CMIP: variants seen among roughly 807,000 people sequenced by gnomAD.
CMIP encodes the protein C-Maf-inducing protein.
In CMIP, 13 loss-of-function variants were observed where a neutral mutation model predicts 97.3. The observed-to-expected ratio is 0.13, with a 90% CI of 0.09 to 0.21. The LOEUF (loss-of-function observed/expected upper bound fraction) is 0.21, where lower values mean the gene tolerates loss of function less well. CMIP is among the 10% of genes least tolerant of loss of function. The probability of loss-of-function intolerance (pLI) is 1.00; values close to 1 mark genes in which losing one functional copy is unlikely to be tolerated. For missense variants in CMIP, 847 were observed against 1,024.9 expected (o/e 0.83, Z 2.37); for synonymous variants, 538 against 436.3 (o/e 1.23, Z -2.91).
chr16:81,701,554 GA>G, intron 15 of CMIP, 105 bp from the exon 16 acceptor site: 1 of 1,493,010 alleles, frequency 6.7e-7, no homozygotes, highest in Non-Finnish European at 9.3e-7. Flanking sequence ...GCAGAAAGGG[GA>G]TAGTGGGGTT....
rs554442583 is a variant in CMIP, at chr16:81,597,625, C to T, written c.301-9942C>T. Reference sequence around the variant, plus strand: ...GGGGGAGTCTCCCAGCCTGGAAGGTCCTGGGACTAGAGCAGGGGGCGGGAC... The same window carrying T: ...GGGGGAGTCTCCCAGCCTGGAAGGTTCTGGGACTAGAGCAGGGGGCGGGAC... On this transcript the variant is annotated intron_variant, in intron 1 of 20. Transcript: ENST00000537098. Among the ~76,000 whole-genome samples the T allele has an allele frequency of 2.4e-3, 357 of 151,224 alleles. 1 individual carries two copies. The highest frequency in any genetic ancestry group is 3.8e-3 in the Non-Finnish European group (259 of 67,832).
intron 1 of CMIP, among the ~76,000 whole-genome samples, chr16:81,604,686 C>T (rs906493690): frequency 2.6e-5 from 4 of 152,130 alleles, no homozygotes; most frequent in Non-Finnish European, 4.4e-5. Flanking sequence ...GGCGACAGAG[C>T]AAGACTCCGT....
intron 1 of CMIP, among the ~76,000 whole-genome samples, chr16:81,487,575 A>G (rs2089338248): frequency 6.6e-6 from 1 of 152,248 alleles, no homozygotes; most frequent in South Asian, 2.1e-4. Flanking sequence ...AGCCAGAGCC[A>G]GAGCGCAAGG....
chr16:81,621,455 G>T lies in CMIP; in HGVS notation c.477+529G>T, dbSNP rs938342289. The T allele has an allele frequency of 1.9e-5, 3 of 154,162 alleles. No individual in the cohort carries two copies. The highest frequency in any genetic ancestry group is 7.2e-5 in the African/African-American group (3 of 41,472). 9.5% of individuals were successfully genotyped at this position (154,162 alleles called of 1,614,324 possible). A position where few individuals can be genotyped will look rare whatever the true frequency, so the allele number is the denominator to read the frequency against. On this transcript the variant is annotated intron_variant, in intron 3 of 20. Transcript: ENST00000537098. This position sits in a 1 kb window ranked among gnomAD's most constrained non-coding sequence, Gnocchi z 4.1. ...ATAAAGGGAACTTCATCTTCTTGGAGACCCAGGGGCAGATCTTCTAAGAGG... is the reference window on the plus strand; with the variant it reads ...ATAAAGGGAACTTCATCTTCTTGGATACCCAGGGGCAGATCTTCTAAGAGG...
intron 1 of CMIP, among the ~76,000 whole-genome samples, chr16:81,488,631 C>A (rs1402858661): frequency 6.6e-6 from 1 of 152,120 alleles, no homozygotes; most frequent in Non-Finnish European, 1.5e-5. Flanking sequence ...TGTGCCCCTT[C>A]TCCTTGGTGG....
At chr16:81,577,710 C>T (rs1268583436) in intron 1 of CMIP, among the ~76,000 whole-genome samples, 5 of 151,270 alleles carry the variant, frequency 3.3e-5, no homozygotes, top group African/African-American at 7.4e-5. Context: ...CCATCACCAT[C>T]ATCACCATCA....
chr16:81,619,765 C>T (rs958029506), intron 2 of CMIP: 2 of 152,228 alleles, frequency 1.3e-5, no homozygotes, highest in African/African-American at 2.4e-5. Flanking sequence ...AAGTTTTTAA[C>T]TTCCAAAGTC....
chr16:81,565,710 G>A (rs528810334), intron 1 of CMIP, among the ~76,000 whole-genome samples: 107 of 152,206 alleles, frequency 7.0e-4, no homozygotes, highest in African/African-American at 2.1e-3. Flanking sequence ...GTGACACAAA[G>A]ACAGCGGCTG....
intron 1 of CMIP, among the ~76,000 whole-genome samples, chr16:81,601,537 T>C (rs1341353207): frequency 6.6e-6 from 1 of 152,084 alleles, no homozygotes; most frequent in Non-Finnish European, 1.5e-5. Context: ...ATGAGGTCCT[T>C]CTAGGCCCTA....
intron 1 of CMIP, among the ~76,000 whole-genome samples, chr16:81,506,792 C>A (rs183600225): frequency 3.3e-5 from 5 of 151,766 alleles, no homozygotes; most frequent in Admixed American, 3.3e-4. Flanking sequence ...ATAGCCCCAG[C>A]TATTTGGGAG....
chr16:81,658,316 C>G (rs1197349197), intron 5 of CMIP, among the ~76,000 whole-genome samples: 1 of 152,206 alleles, frequency 6.6e-6, no homozygotes, highest in Non-Finnish European at 1.5e-5. Context: ...TGACTTTTAG[C>G]TACGAAACCT....
intron 14 of CMIP, chr16:81,697,111 CA>C (rs1906821099): frequency 4.9e-6 from 1 of 203,894 alleles, no homozygotes; most frequent in African/African-American, 2.4e-5. Flanking sequence ...GTGTCGCGGT[CA>C]GGGGGATTGT....
At chr16:81,468,299 CA>C (rs1476664187) in intron 1 of CMIP, among the ~76,000 whole-genome samples, 2 of 152,224 alleles carry the variant, frequency 1.3e-5, no homozygotes, top group Non-Finnish European at 2.9e-5. Flanking sequence ...ACTGCCCACT[CA>C]GACCCCCAGG....
chr16:81,641,598 C>G (rs2092307501), intron 3 of CMIP, among the ~76,000 whole-genome samples: 2 of 152,172 alleles, frequency 1.3e-5, no homozygotes, highest in Admixed American at 6.5e-5. Context: ...GCCGCAGAGA[C>G]AGTGGAGCAG....
At chr16:81,609,352 G>T (rs1214996816) in intron 2 of CMIP, among the ~76,000 whole-genome samples, 1 of 152,214 alleles carries the variant, frequency 6.6e-6, no homozygotes, top group East Asian at 1.9e-4. Flanking sequence ...GTCCATGAAG[G>T]GGGTGGTCAG....
intron 3 of CMIP, among the ~76,000 whole-genome samples, chr16:81,642,517 T>G (rs138332979): frequency 6.6e-6 from 1 of 152,196 alleles, no homozygotes; most frequent in Non-Finnish European, 1.5e-5. Context: ...TGGCAAAATT[T>G]AAACTGATTC....
At chr16:81,573,868 G>T (rs914436485) in intron 1 of CMIP, among the ~76,000 whole-genome samples, 1 of 152,186 alleles carries the variant, frequency 6.6e-6, no homozygotes, top group Non-Finnish European at 1.5e-5. Flanking sequence ...TGAGCTGTCA[G>T]TGTCCTGACT....
In CMIP at chr16:81,533,715, G is replaced by T. The variant is rs2090285830; in HGVS notation, c.301-73852G>T. 2.0e-5 allele frequency among the ~76,000 whole-genome samples: 3 copies of T among 152,148 alleles called. No individual in the cohort carries two copies. The South Asian group carries it at 6.2e-4, about 32-fold the overall frequency. ...GCTGGTCACAAACTCCTGAGCTCAGGCAGTCCACCTGCCTCTGCCTCCCTA... is the reference window on the plus strand; with the variant it reads ...GCTGGTCACAAACTCCTGAGCTCAGTCAGTCCACCTGCCTCTGCCTCCCTA... On this transcript the variant is annotated intron_variant, in intron 1 of 20. Transcript: ENST00000537098.
intron 1 of CMIP, among the ~76,000 whole-genome samples, chr16:81,541,097 T>C (rs2090441453): frequency 6.6e-6 from 1 of 152,054 alleles, no homozygotes; most frequent in Admixed American, 6.6e-5. Context: ...GTACTATATA[T>C]ATAAGTATAT....
Sources: gnomAD v4.1 joint callset for allele counts (sites outside exome capture counted in the v4.1 genomes callset) on GRCh38, gnomAD v4.1.1 for gene constraint, Gnocchi (gnomAD v3.1) non-coding constraint, MANE v1.5 for transcripts, NCBI Gene and HGNC (gene_info 2026-07-23, HGNC 2026-07-21) for gene names.